The following FAM120B variants were observed in gnomAD, a reference collection of about 807,000 sequenced individuals.
The protein encoded by FAM120B is constitutive coactivator of peroxisome proliferator-activated receptor gamma.
In FAM120B, 83 loss-of-function variants were observed where a neutral mutation model predicts 96.3. The ratio of observed to expected loss-of-function variants is 0.86; its 90% confidence interval spans 0.72 to 1.03. The LOEUF is 1.03. Ranked by LOEUF, FAM120B falls within the 50% of genes least tolerant of loss-of-function variation. The probability of loss-of-function intolerance (pLI) is 0.00; values close to 1 mark genes in which losing one functional copy is unlikely to be tolerated. For synonymous variants in FAM120B, 407 were observed against 402.7 expected (o/e 1.01, Z -0.13); for missense variants, 1,027 against 1,121.2 (o/e 0.92, Z 1.20).
At position 170,323,154 on chromosome 6, in the gene FAM120B, A is replaced by G. The variant is rs200658999; in HGVS notation, c.1810A>G (p.Ser604Gly). 48 of 1,614,078 alleles carry G rather than the reference A, an allele frequency of 3.0e-5. 1 individual carries two copies. Among genetic ancestry groups the G allele is most frequent in the Non-Finnish European group, 3.8e-5 (45 of 1,180,030 alleles). Reference protein sequence around the residue: ...NIMSSGEIECSNTLEDELDQA... With the variant: ...NIMSSGEIECGNTLEDELDQA... ...CATGAGCAGTGGAGAGATTGAATGCAGCAACACCCTAGAAGATGAGCTTGA... is the reference window on the plus strand; with the variant it reads ...CATGAGCAGTGGAGAGATTGAATGCGGCAACACCCTAGAAGATGAGCTTGA... The change falls in exon 3 of 11, where the codon AGC (serine) becomes GGC (glycine). Residue 604 changes from serine (S) to glycine (G), a missense_variant. Physicochemically the swap from Ser to Gly is moderately conservative, Grantham distance 56. Around this residue, in one of 3 missense-constraint regions of FAM120B, gnomAD observed 880 missense variants for 980.9 expected, o/e 0.90. Coordinates refer to ENST00000476287, the MANE Select transcript of FAM120B (RefSeq NM_032448.3).
upstream of FAM120B, among the ~76,000 whole-genome samples, chr6:170,291,645 G>C (rs1355111643): frequency 6.6e-6 from 1 of 152,208 alleles, no homozygotes; most frequent in Admixed American, 6.5e-5. Flanking sequence ...CCGAGGCGGG[G>C]ACACCTCCTG....
At chr6:170,329,075 G>A (rs543533338) in intron 3 of FAM120B, among the ~76,000 whole-genome samples, 10 of 152,228 alleles carry the variant, frequency 6.6e-5, no homozygotes, top group Non-Finnish European at 1.2e-4. Flanking sequence ...AGCTCCATTG[G>A]TTGGCCAGCC....
At chr6:170,397,575 C>A (rs1778242758) in intron 9 of FAM120B, among the ~76,000 whole-genome samples, 1 of 152,114 alleles carries the variant, frequency 6.6e-6, no homozygotes, top group Non-Finnish European at 1.5e-5. Flanking sequence ...TTGACCACAT[C>A]CCGCAGAAAT....
intron 5 of FAM120B, among the ~76,000 whole-genome samples, chr6:170,352,555 G>A (rs1375914890): frequency 3.3e-5 from 5 of 152,154 alleles, no homozygotes; most frequent in African/African-American, 1.2e-4. Context: ...AAATGCAGAA[G>A]AGCTGAAATC....
At chr6:170,372,061 A>G (rs1399711400) in intron 6 of FAM120B, among the ~76,000 whole-genome samples, 2 of 152,212 alleles carry the variant, frequency 1.3e-5, no homozygotes, top group Non-Finnish European at 2.9e-5. Flanking sequence ...AGTTTATCCT[A>G]CTGATATGAG....
At chr6:170,365,413 A>G (rs1034417680) in intron 6 of FAM120B, among the ~76,000 whole-genome samples, 3 of 152,198 alleles carry the variant, frequency 2.0e-5, no homozygotes, top group African/African-American at 7.2e-5. Flanking sequence ...TATGTCATGC[A>G]TTCTTGGCTG....
intron 4 of FAM120B, among the ~76,000 whole-genome samples, chr6:170,337,479 A>G (rs9348311): frequency 0.3 from 45,652 of 152,030 alleles, 8,363 homozygotes; most frequent in East Asian, 0.9. Flanking sequence ...CAGAGATATT[A>G]GCCTGAAATT....
At chr6:170,308,584 C>T (rs963261882) in intron 1 of FAM120B, among the ~76,000 whole-genome samples, 11 of 152,182 alleles carry the variant, frequency 7.2e-5, no homozygotes, top group Admixed American at 7.2e-4. Context: ...GTTTCTAGGT[C>T]TGTCACTTGC....
rs781259616 is a variant in FAM120B at position 170,404,759 on chromosome 6, C to G, written c.*12-4C>G. The G allele has an allele frequency of 1.1e-5, 7 of 640,648 alleles. No homozygotes were observed. Among genetic ancestry groups the G allele is most frequent in the Non-Finnish European group, 1.9e-5 (7 of 363,728 alleles). The allele number at this position is 640,648 out of a possible 1,614,324, so 39.7% of individuals were successfully genotyped here. On this transcript the variant is annotated splice_polypyrimidine_tract_variant and splice_region_variant and intron_variant, in intron 10 of 10. Transcript: ENST00000476287. The stretch of plus-strand genomic sequence containing the variant: ...TGGTTTCAAAACACTCTTGCTTCCT[C>G]CAGAAAGAGTATGGAGAGAAAAAGA...
At chr6:170,308,065 C>G (rs1784388496) in intron 1 of FAM120B, among the ~76,000 whole-genome samples, 1 of 152,202 alleles carries the variant, frequency 6.6e-6, no homozygotes, top group Non-Finnish European at 1.5e-5. Flanking sequence ...CTCCCCTTCA[C>G]ATAGGCTCTT....
chr6:170,291,460 G>A (rs569470840), upstream of FAM120B, among the ~76,000 whole-genome samples: 76 of 152,228 alleles, frequency 5.0e-4, 1 homozygote, highest in African/African-American at 1.8e-3. Flanking sequence ...GAAGTTCGAG[G>A]CCCGAGCTCT....
rs1583312725 is a variant in FAM120B at position 170,395,473 on chromosome 6, A to G, written c.2600-14A>G. 6.4e-7 allele frequency: 1 copy of G among 1,571,586 alleles called. No individual in the cohort carries two copies. Among genetic ancestry groups the G allele is most frequent in the Non-Finnish European group, 8.7e-7 (1 of 1,155,944 alleles). ...TTGACAACTTACTAATCTTCTGACT[A>G]TGTGTTCCCACAGGGAGGTGGGGAA... On this transcript the variant is annotated splice_polypyrimidine_tract_variant and intron_variant, in intron 8 of 10. Transcript: ENST00000476287.
At chr6:170,403,997 G>A (rs1023122799) in intron 9 of FAM120B, among the ~76,000 whole-genome samples, 6 of 152,190 alleles carry the variant, frequency 3.9e-5, no homozygotes, top group African/African-American at 4.8e-5. Flanking sequence ...GGCTCTTGCC[G>A]TCATACACCA....
At chr6:170,348,501 C>T (rs187759667) in intron 5 of FAM120B, among the ~76,000 whole-genome samples, 178 bp downstream of exon 5, 1 of 152,114 alleles carries the variant, frequency 6.6e-6, no homozygotes, top group Non-Finnish European at 1.5e-5. Context: ...TGGCAAAATA[C>T]GTACAAGAAA....
At chr6:170,346,612 C>T (rs937127359) in intron 4 of FAM120B, among the ~76,000 whole-genome samples, 9 of 152,130 alleles carry the variant, frequency 5.9e-5, no homozygotes, top group African/African-American at 2.2e-4. Context: ...GAACCGTGGA[C>T]GATACCCACG....
chr6:170,395,834 G>A (rs1790697134), intron 9 of FAM120B, among the ~76,000 whole-genome samples: 1 of 152,206 alleles, frequency 6.6e-6, no homozygotes, highest in African/African-American at 2.4e-5. Context: ...TCAAGATCCA[G>A]TTTTTGTAAT....
intron 7 of FAM120B, 105 bp downstream of exon 7, chr6:170,388,598 A>G (rs776992598): frequency 1.5e-5 from 14 of 938,232 alleles, no homozygotes; most frequent in Non-Finnish European, 2.3e-5. Context: ...ATGCTTTCCA[A>G]ATAAAGGATT....
Position 170,320,352 on chromosome 6 carries a change from G to A in FAM120B, c.1734+1228G>A, listed in dbSNP as rs1046830624. Among the ~76,000 whole-genome samples the A allele has an allele frequency of 3.9e-5, 6 of 152,124 alleles. No individual in the cohort carries two copies. The South Asian group carries it at 6.2e-4, about 16-fold the overall frequency. ...TCGATTTTTTTTAAGCAGGTATATC[G>A]ATATGATCAGATTTTTGGTTTTTGA... On this transcript the variant is annotated intron_variant, in intron 2 of 10. Transcript: ENST00000476287.
At chr6:170,336,355 T>A (rs1562540498) in intron 4 of FAM120B, among the ~76,000 whole-genome samples, 1 of 152,128 alleles carries the variant, frequency 6.6e-6, no homozygotes, top group Non-Finnish European at 1.5e-5. Context: ...ATCAGATGGT[T>A]GTAGATGTGT....
Sources: allele counts gnomAD v4.1 joint callset (sites outside exome capture counted in the v4.1 genomes callset), GRCh38; gene constraint gnomAD v4.1.1; regional missense constraint gnomAD v4.1.1; transcripts MANE v1.5; gene names NCBI Gene and HGNC (gene_info 2026-07-23, HGNC 2026-07-21).